The following XKR6 variants were observed in gnomAD, a reference collection of about 807,000 sequenced individuals.
The protein encoded by XKR6 is XK-related protein 6.
Under a neutral mutation model 56.7 loss-of-function variants are expected in XKR6, and 22 were observed. The ratio of observed to expected loss-of-function variants is 0.39; its 90% CI spans 0.28 to 0.55. The LOEUF is 0.55. Ranked by LOEUF, XKR6 falls within the 20% of genes least tolerant of loss-of-function variation. XKR6 has a pLI of 0.66. For synonymous variants in XKR6, 524 were observed against 387.8 expected (o/e 1.35, Z -4.13); for missense variants, 852 against 889.0 (o/e 0.96, Z 0.53).
intron 1 of XKR6, among the ~76,000 whole-genome samples, chr8:10,966,516 A>G (rs1191471031): frequency 6.6e-6 from 1 of 152,080 alleles, no homozygotes; most frequent in Non-Finnish European, 1.5e-5. Flanking sequence ...TACTAAAAAT[A>G]CAAAAAAATT....
At position 11,200,725 on chromosome 8, in the gene XKR6, G is replaced by C; in HGVS notation, c.615C>G (p.Pro205=). 1 of 1,587,886 alleles carries C rather than the reference G, an allele frequency of 6.3e-7. No homozygotes were observed. Among genetic ancestry groups the C allele is most frequent in the South Asian group, 1.1e-5 (1 of 88,758 alleles). ...AVEGLTSRGP[P]MMGAGYVHGA... ...CGTGGACGTAGCCGGCCCCCATCAT[G>C]GGGGGGCCCCGGCTGGTGAGCCCCT... The change falls in exon 1 of 3, where the codon CCC becomes CCG. Residue 205 remains proline (P), a synonymous_variant. Transcript: ENST00000416569. This position sits in a 1 kb window ranked among gnomAD's most constrained non-coding sequence, Gnocchi z 6.4.
At chr8:11,131,426 CTTTA>C (rs1800098636) in intron 1 of XKR6, among the ~76,000 whole-genome samples, 1 of 152,024 alleles carries the variant, frequency 6.6e-6, no homozygotes, top group Non-Finnish European at 1.5e-5. Context: ...TTGAGTTTTT[CTTTA>C]TTTATGATGT....
rs373135648 is a variant in XKR6, at chr8:11,154,587, C to G, written c.764+45989G>C. On this transcript the variant is annotated intron_variant, in intron 1 of 2. Transcript: ENST00000416569. ...CCTGAAGGTGGTTTTGGAAACACCC[C>G]AAACTTGCAGTTGGTGTGAGAAGTG... Among the ~76,000 whole-genome samples, 14 of 152,194 alleles carry G rather than the reference C, an allele frequency of 9.2e-5. 1 individual carries two copies. Among genetic ancestry groups the G allele is most frequent in the Admixed American group, 6.5e-4 (10 of 15,280 alleles).
chr8:11,019,346 G>A, intron 1 of XKR6, among the ~76,000 whole-genome samples: 1 of 152,238 alleles, frequency 6.6e-6, no homozygotes, highest in East Asian at 1.9e-4. Context: ...ACCCAGGGAA[G>A]CCTCCATCCC....
chr8:10,901,650 A>G (rs1800039050), intron 2 of XKR6, among the ~76,000 whole-genome samples: 1 of 152,124 alleles, frequency 6.6e-6, no homozygotes, highest in Non-Finnish European at 1.5e-5. Context: ...GTTCTATGGG[A>G]GCTGGGTGGG....
At chr8:11,108,313 T>C in intron 1 of XKR6, 2 of 456,282 alleles carry the variant, frequency 4.4e-6, no homozygotes, top group Non-Finnish European at 8.8e-6. Flanking sequence ...GATTTAAGTG[T>C]TATGAAACAA....
intron 1 of XKR6, among the ~76,000 whole-genome samples, chr8:11,121,761 T>G (rs900969849): frequency 9.2e-5 from 14 of 152,290 alleles, no homozygotes; most frequent in Non-Finnish European, 1.9e-4. Context: ...CACTATTCAC[T>G]ATAGCAAAGA....
chr8:10,899,726 T>G (rs995803187), intron 2 of XKR6, among the ~76,000 whole-genome samples: 2 of 152,214 alleles, frequency 1.3e-5, no homozygotes, highest in African/African-American at 2.4e-5. Context: ...TTCCCCTTAC[T>G]GGTTTTCTGA....
Position 11,054,472 on chromosome 8 carries a change from T to C in XKR6, c.765-129642A>G, listed in dbSNP as rs116983977. 9.5e-4 allele frequency among the ~76,000 whole-genome samples: 144 copies of C among 152,344 alleles called. 3 individuals are homozygous for C. The East Asian group carries it at 0.015, about 16-fold the overall frequency. On this transcript the variant is annotated intron_variant, in intron 1 of 2. Coordinates refer to ENST00000416569, the MANE Select transcript of XKR6 (RefSeq NM_173683.4). ...CTGGGGAGGGGTGCCATTTACGTTG[T>C]AGATCAACTTATCTGAGAGTGCATG...
intron 1 of XKR6, among the ~76,000 whole-genome samples, chr8:11,048,675 G>A (rs187141317): frequency 1.1e-4 from 16 of 152,312 alleles, no homozygotes; most frequent in African/African-American, 3.1e-4. Flanking sequence ...CCTGGAGGCT[G>A]AGTCCCCTTC....
intron 1 of XKR6, chr8:11,109,428 C>T (rs1045992875): frequency 6.6e-6 from 1 of 152,180 alleles, no homozygotes; most frequent in African/African-American, 2.4e-5. Context: ...CAAACTCAAA[C>T]TCACTGTTAG....
At chr8:11,135,165 G>A (rs1468295765) in intron 1 of XKR6, among the ~76,000 whole-genome samples, 3 of 151,302 alleles carry the variant, frequency 2.0e-5, no homozygotes, top group Admixed American at 1.3e-4. Context: ...GAGTAGCTGG[G>A]ACTACAGGCG....
rs1226557922 is a variant in XKR6 at position 10,974,290 on chromosome 8, C to T, written c.765-49460G>A. ...GGGAATTAGAGTAAAATATGCTGCA[C>T]CTGAGAGGGCCTGTGCCTGGTGGGA... On this transcript the variant is annotated intron_variant, in intron 1 of 2. Coordinates refer to ENST00000416569, the MANE Select transcript of XKR6 (RefSeq NM_173683.4). Among the ~76,000 whole-genome samples the T allele has an allele frequency of 2.0e-5, 3 of 152,210 alleles. No homozygotes were observed. The East Asian group carries it at 5.8e-4, about 29-fold the overall frequency.
intron 1 of XKR6, among the ~76,000 whole-genome samples, chr8:10,950,645 C>G (rs938839704): frequency 6.6e-6 from 1 of 152,218 alleles, no homozygotes; most frequent in Non-Finnish European, 1.5e-5. Context: ...AACCTAGTCT[C>G]CTAGACAGAG....
At chr8:11,158,853 A>G (rs1801654483) in intron 1 of XKR6, among the ~76,000 whole-genome samples, 1 of 152,192 alleles carries the variant, frequency 6.6e-6, no homozygotes, top group Non-Finnish European at 1.5e-5. Flanking sequence ...GGAGAAAGGG[A>G]ATAATTACCA....
At chr8:10,924,954 C>T (rs1800836933) in intron 1 of XKR6, 124 bp from the exon 2 acceptor site, 3 of 1,094,806 alleles carry the variant, frequency 2.7e-6, no homozygotes, top group Admixed American at 2.6e-5. Flanking sequence ...TCTGAAGTTC[C>T]CAGAGGCTTG....
chr8:10,926,201 G>A (rs1358132566), intron 1 of XKR6, among the ~76,000 whole-genome samples: 1 of 152,174 alleles, frequency 6.6e-6, no homozygotes, highest in Non-Finnish European at 1.5e-5. Context: ...GGTCTGTTCT[G>A]TCACTGCCAC....
intron 2 of XKR6, among the ~76,000 whole-genome samples, chr8:10,919,989 A>T (rs567793596): frequency 3.3e-5 from 5 of 152,312 alleles, no homozygotes; most frequent in Non-Finnish European, 5.9e-5. Context: ...TTGGATTATA[A>T]GTGTGTCTTG....
chr8:11,137,513 G>C (rs1423361448), intron 1 of XKR6: 1 of 455,682 alleles, frequency 2.2e-6, no homozygotes, highest in Non-Finnish European at 4.4e-6. Context: ...TAACCTAGGA[G>C]ACGGCCAGGC....
Sources: gnomAD v4.1 joint callset for allele counts (sites outside exome capture counted in the v4.1 genomes callset) on GRCh38, gnomAD v4.1.1 for gene constraint, Gnocchi (gnomAD v3.1) non-coding constraint, MANE v1.5 for transcripts, NCBI Gene and HGNC (gene_info 2026-07-23, HGNC 2026-07-21) for gene names.